Variants in PDE10A observed in about 807,000 individuals in gnomAD.
PDE10A encodes the protein cAMP and cAMP-inhibited cGMP 3',5'-cyclic phosphodiesterase 10A.
A neutral mutation model predicts 97.7 loss-of-function variants in PDE10A; 39 were observed. The observed-to-expected ratio is 0.40, with a 90% CI of 0.31 to 0.52. The LOEUF (loss-of-function observed/expected upper bound fraction) is 0.52, where lower values mean the gene tolerates loss of function less well. Among genes scored for constraint, PDE10A ranks in the 20% least tolerant of loss-of-function variants. The probability of loss-of-function intolerance (pLI) is 0.56; values close to 1 mark genes in which losing one functional copy is unlikely to be tolerated. For synonymous variants in PDE10A, 371 were observed against 376.8 expected (o/e 0.98, Z 0.18); for missense variants, 731 against 1,047.8 (o/e 0.70, Z 4.17).
In PDE10A at chr6:165,671,766, G is replaced by C. The variant is rs1790654026; in HGVS notation, c.-614-128198C>G. 6.6e-6 allele frequency among the ~76,000 whole-genome samples: 1 copy of C among 152,078 alleles called. No individual in the cohort carries two copies. On this transcript the variant is annotated intron_variant, in intron 1 of 19. Transcript: ENST00000366882. This position sits in a 1 kb window ranked among gnomAD's most constrained non-coding sequence, Gnocchi z 4.6. ...ATGTGTGTGTTTACATATATACAGT[G>C]TGTGTGTGCTTTATTCTCTAAGGCA...
intron 1 of PDE10A, among the ~76,000 whole-genome samples, chr6:165,909,287 A>G (rs373169272): frequency 1.3e-5 from 2 of 152,348 alleles, no homozygotes; most frequent in African/African-American, 4.8e-5. Context: ...AAGAGAGGCC[A>G]TGAAGTTACC....
At position 165,413,509 on chromosome 6, in the gene PDE10A, A is replaced by C. The variant is rs1441562291; in HGVS notation, c.2068T>G (p.Cys690Gly). Reference sequence around the variant, plus strand: ...TAATAAATAGTACTTACATTAGCACAGTGTAAGGCTAAAGCACAAAAGACG... The same window carrying C: ...TAATAAATAGTACTTACATTAGCACCGTGTAAGGCTAAAGCACAAAAGACG... ...FAVFCALALH[C>G]ANMYHRIRHS... Residue 690 changes from cysteine to glycine, a missense_variant, in exon 13 of 22, where the codon TGT becomes GGT. Around this residue, in one of 8 missense-constraint regions of PDE10A, gnomAD observed 4 missense variants for 32.1 expected, o/e 0.12. Transcript: ENST00000539869. The C allele has an allele frequency of 6.2e-7, 1 of 1,611,636 alleles. No homozygotes were observed. The highest frequency in any genetic ancestry group is 2.2e-5 in the East Asian group (1 of 44,894).
At chr6:165,715,550 AT>A (rs1378547256) in intron 1 of PDE10A, among the ~76,000 whole-genome samples, 2 of 152,142 alleles carry the variant, frequency 1.3e-5, no homozygotes, top group Non-Finnish European at 2.9e-5. Flanking sequence ...TTCCAAGGGA[AT>A]GAAGGGGAGA....
At chr6:165,526,512 T>C (rs899342295) in intron 2 of PDE10A, among the ~76,000 whole-genome samples, 25 of 152,238 alleles carry the variant, frequency 1.6e-4, no homozygotes, top group African/African-American at 5.8e-4. Flanking sequence ...TCAAAAATAA[T>C]ATCACATCTC....
chr6:165,646,842 G>A (rs183013303), intron 1 of PDE10A, among the ~76,000 whole-genome samples: 26 of 152,320 alleles, frequency 1.7e-4, no homozygotes, highest in Admixed American at 1.2e-3. Context: ...TTTTTGAGAA[G>A]TACACATGCC....
intron 5 of PDE10A, among the ~76,000 whole-genome samples, chr6:165,446,028 G>C (rs1790827201): frequency 6.6e-6 from 1 of 152,076 alleles, no homozygotes; most frequent in Admixed American, 6.6e-5. Context: ...GAACATAGAA[G>C]AAGTATAGTT....
chr6:165,427,175 A>G (rs1789226984), intron 10 of PDE10A, among the ~76,000 whole-genome samples: 1 of 152,188 alleles, frequency 6.6e-6, no homozygotes, highest in African/African-American at 2.4e-5. Flanking sequence ...TGTCCACAGC[A>G]GCACTATTTA....
intron 1 of PDE10A, among the ~76,000 whole-genome samples, chr6:165,557,180 C>G (rs543327412): frequency 4.0e-5 from 6 of 151,896 alleles, no homozygotes; most frequent in Non-Finnish European, 7.4e-5. Flanking sequence ...AGAAATAAAC[C>G]TTATAGTATC....
intron 2 of PDE10A, among the ~76,000 whole-genome samples, chr6:165,508,070 A>G (rs768357509): frequency 1.2e-4 from 19 of 152,090 alleles, no homozygotes; most frequent in Non-Finnish European, 2.6e-4. Context: ...GTATTTTCAA[A>G]AACGATTTTA....
intron 2 of PDE10A, among the ~76,000 whole-genome samples, chr6:165,521,475 C>A (rs1782125587): frequency 1.3e-5 from 2 of 152,164 alleles, no homozygotes; most frequent in African/African-American, 2.4e-5. Context: ...CACTAGTTAG[C>A]CACGTTGTTA....
intron 1 of PDE10A, among the ~76,000 whole-genome samples, chr6:165,879,717 C>T (rs930967447): frequency 4.6e-5 from 7 of 152,220 alleles, no homozygotes; most frequent in African/African-American, 1.2e-4. Flanking sequence ...ATACCTACTT[C>T]TAATACCTAA....
At chr6:165,569,924 G>A (rs1471005625) in intron 1 of PDE10A, among the ~76,000 whole-genome samples, 2 of 152,166 alleles carry the variant, frequency 1.3e-5, no homozygotes, top group Admixed American at 1.3e-4. Flanking sequence ...ACTTTCCAAT[G>A]TAAACTACAC....
At chr6:165,788,885 C>T (rs1204753561) in intron 1 of PDE10A, among the ~76,000 whole-genome samples, 2 of 152,062 alleles carry the variant, frequency 1.3e-5, no homozygotes, top group African/African-American at 4.8e-5. Context: ...ACAAGCAGGA[C>T]AAATGGAAGC....
intron 1 of PDE10A, among the ~76,000 whole-genome samples, chr6:165,577,228 C>T (rs527797136): frequency 6.6e-6 from 1 of 152,316 alleles, no homozygotes; most frequent in South Asian, 2.1e-4. Flanking sequence ...TGAACAGCCC[C>T]ATGCCAGCGT....
chr6:165,358,197 A>T (rs910589306), intron 18 of PDE10A, among the ~76,000 whole-genome samples: 1 of 152,096 alleles, frequency 6.6e-6, no homozygotes, highest in Non-Finnish European at 1.5e-5. Flanking sequence ...ATCTTTTGAA[A>T]TTTATTGACA....
At chr6:165,697,016 G>GA (rs1196344737) in intron 1 of PDE10A, among the ~76,000 whole-genome samples, 11 of 152,044 alleles carry the variant, frequency 7.2e-5, no homozygotes, top group African/African-American at 2.7e-4. Flanking sequence ...ATAGAAAAAA[G>GA]AAAAATGAAC....
chr6:165,609,308 G>A (rs1193899388), intron 1 of PDE10A, among the ~76,000 whole-genome samples: 3 of 152,230 alleles, frequency 2.0e-5, no homozygotes, highest in African/African-American at 4.8e-5. Flanking sequence ...AAATTCAACA[G>A]CCCTTCATGC....
chr6:165,584,659 C>T (rs1183481645), intron 1 of PDE10A, among the ~76,000 whole-genome samples: 1 of 152,108 alleles, frequency 6.6e-6, no homozygotes, highest in Non-Finnish European at 1.5e-5. Flanking sequence ...GGTTGCTTTT[C>T]GGCTACAAAA....
chr6:165,482,993 A>C (rs1356164621), intron 2 of PDE10A, among the ~76,000 whole-genome samples: 1 of 152,180 alleles, frequency 6.6e-6, no homozygotes, highest in Non-Finnish European at 1.5e-5. Flanking sequence ...TACAGGCAAG[A>C]AGATGCCTGT....
Sources: allele counts gnomAD v4.1 joint callset (sites outside exome capture counted in the v4.1 genomes callset), GRCh38; gene constraint gnomAD v4.1.1; regional missense constraint gnomAD v4.1.1; non-coding constraint Gnocchi (gnomAD v3.1); transcripts MANE v1.5; gene names NCBI Gene and HGNC (gene_info 2026-07-23, HGNC 2026-07-21).